SARNP: variants seen among roughly 807,000 people sequenced by gnomAD.
SARNP encodes the protein SAP domain-containing ribonucleoprotein.
In SARNP, 5 loss-of-function variants were observed where a neutral mutation model predicts 38.1. That is an observed-to-expected ratio of 0.13 (90% CI 0.07 to 0.28). The LOEUF (loss-of-function observed/expected upper bound fraction) is 0.28. Among genes scored for constraint, SARNP ranks in the 10% least tolerant of loss-of-function variants. The pLI is 1.00. For missense variants in SARNP, 180 were observed against 243.9 expected (o/e 0.74, Z 1.75); for synonymous variants, 84 against 80.6 (o/e 1.04, Z -0.23).
At chr12:55,774,184 G>A (rs1592561415) in intron 9 of SARNP, among the ~76,000 whole-genome samples, 1 of 151,718 alleles carries the variant, frequency 6.6e-6, no homozygotes, top group Non-Finnish European at 1.5e-5. Flanking sequence ...TTATTTTCTT[G>A]TAGAGACAAG....
At chr12:55,778,644 T>C (rs1879254925) in intron 9 of SARNP, among the ~76,000 whole-genome samples, 1 of 152,094 alleles carries the variant, frequency 6.6e-6, no homozygotes, top group Non-Finnish European at 1.5e-5. Flanking sequence ...AAAGGGAATG[T>C]AAAGGAGTGG....
intron 1 of SARNP, among the ~76,000 whole-genome samples, chr12:55,811,771 T>C (rs892502344): frequency 9.9e-5 from 15 of 152,194 alleles, no homozygotes; most frequent in Non-Finnish European, 2.1e-4. Flanking sequence ...CTAAGATTCC[T>C]TCTTTGGGCG....
At chr12:55,795,996 A>T (rs1186514988) in intron 5 of SARNP, 29 bp downstream of exon 5, 1 of 1,491,024 alleles carries the variant, frequency 6.7e-7, no homozygotes, top group African/African-American at 1.4e-5. Context: ...AAATGTAGAG[A>T]CTGTTCTACT....
downstream of SARNP, chr12:55,752,735 C>A (rs1291706385): frequency 8.6e-5 from 13 of 151,962 alleles, no homozygotes; most frequent in Non-Finnish European, 1.6e-4. Context: ...GGAACCACTG[C>A]AAAAAGGCCA....
downstream of SARNP, chr12:55,754,809 G>C (rs551616531): frequency 6.6e-6 from 1 of 152,220 alleles, no homozygotes; most frequent in Non-Finnish European, 1.5e-5. Flanking sequence ...AGTCTGAAAA[G>C]AGAATGATTA....
intron 1 of SARNP, among the ~76,000 whole-genome samples, chr12:55,811,932 A>G (rs1880339600): frequency 6.6e-6 from 1 of 152,206 alleles, no homozygotes; most frequent in South Asian, 2.1e-4. Context: ...CATACAGATT[A>G]TTGTCAAAAT....
chr12:55,817,095 C>G (rs1262472103), intron 1 of SARNP, among the ~76,000 whole-genome samples: 1 of 152,146 alleles, frequency 6.6e-6, no homozygotes, highest in Non-Finnish European at 1.5e-5. Flanking sequence ...TCCTCAACCC[C>G]AGGCTTCTAA....
intron 1 of SARNP, among the ~76,000 whole-genome samples, chr12:55,811,564 T>C (rs1880328091): frequency 6.7e-6 from 1 of 149,236 alleles, no homozygotes; most frequent in Non-Finnish European, 1.5e-5. Context: ...AGCGAGACAC[T>C]GTCTCAAAAA....
At chr12:55,760,711 T>A in intron 9 of SARNP, 71 bp from the exon 10 acceptor site, 2 of 1,056,426 alleles carry the variant, frequency 1.9e-6, no homozygotes, top group Non-Finnish European at 2.9e-6. Context: ...AATGAAATGA[T>A]AACTTATTGG....
intron 1 of SARNP, among the ~76,000 whole-genome samples, chr12:55,815,178 C>G (rs1204506552): frequency 2.6e-5 from 4 of 152,188 alleles, no homozygotes; most frequent in Non-Finnish European, 5.9e-5. Flanking sequence ...CCACTTCAGC[C>G]TCCTGAGGAG....
downstream of SARNP, chr12:55,755,842 G>C (rs965208451): frequency 6.6e-6 from 1 of 152,122 alleles, no homozygotes; most frequent in African/African-American, 2.4e-5. Context: ...AAGATCTAGG[G>C]GAAGTAAGAT....
At chr12:55,775,516 C>G (rs1403659143) in intron 9 of SARNP, among the ~76,000 whole-genome samples, 3 of 137,338 alleles carry the variant, frequency 2.2e-5, no homozygotes, top group East Asian at 4.2e-4. Flanking sequence ...GAGCTGGGAT[C>G]GCGCTCTGTC....
chr12:55,771,772 T>A (rs554619766), intron 9 of SARNP, among the ~76,000 whole-genome samples: 100 of 152,006 alleles, frequency 6.6e-4, no homozygotes, highest in Non-Finnish European at 1.3e-3. Context: ...CAAAGGAATG[T>A]AAGGTAGCAT....
At chr12:55,786,255 G>A (rs1256558602) in intron 9 of SARNP, among the ~76,000 whole-genome samples, 1 of 152,174 alleles carries the variant, frequency 6.6e-6, no homozygotes, top group Non-Finnish European at 1.5e-5. Flanking sequence ...AAGAGATATG[G>A]TGTTCAATTT....
intron 2 of SARNP, among the ~76,000 whole-genome samples, chr12:55,802,187 T>C (rs1406496970): frequency 6.6e-6 from 1 of 152,172 alleles, no homozygotes; most frequent in East Asian, 1.9e-4. Context: ...ACTGCAGATC[T>C]ACAGAGCAAT....
chr12:55,801,181 G>A (rs1879968886), intron 2 of SARNP, among the ~76,000 whole-genome samples: 1 of 152,210 alleles, frequency 6.6e-6, no homozygotes, highest in Non-Finnish European at 1.5e-5. Context: ...GTGGCTCTCT[G>A]TAATCCCAGC....
chr12:55,764,455 C>T (rs1252981661), intron 9 of SARNP, among the ~76,000 whole-genome samples: 2 of 149,586 alleles, frequency 1.3e-5, no homozygotes, highest in African/African-American at 4.9e-5. Context: ...CGCTTGAACC[C>T]GGGAGGTGGA....
At chr12:55,800,680 C>T in intron 3 of SARNP, 51 bp from the exon 4 acceptor site, 1 of 1,465,996 alleles carries the variant, frequency 6.8e-7, no homozygotes, top group Non-Finnish European at 9.5e-7. Context: ...GAATAAATAT[C>T]TATCAAAAGA....
intron 1 of SARNP, among the ~76,000 whole-genome samples, chr12:55,808,976 G>A (rs1880242207): frequency 6.6e-6 from 1 of 152,110 alleles, no homozygotes; most frequent in African/African-American, 2.4e-5. Flanking sequence ...GAGGCTAGAG[G>A]TGGGCAGATC....
Sources: allele counts gnomAD v4.1 joint callset (sites outside exome capture counted in the v4.1 genomes callset), GRCh38; gene constraint gnomAD v4.1.1; transcripts MANE v1.5; gene names NCBI Gene and HGNC (gene_info 2026-07-23, HGNC 2026-07-21).